ACIN1: variants seen among roughly 807,000 people sequenced by gnomAD.
ACIN1 encodes apoptotic chromatin condensation inducer in the nucleus.
ACIN1 carries 16 observed loss-of-function variants against 146.6 expected under a neutral mutation model. That is an observed-to-expected ratio of 0.11 (90% CI 0.07 to 0.17). The LOEUF is 0.17. Ranked by LOEUF, ACIN1 falls within the 10% of genes least tolerant of loss-of-function variation. ACIN1 has a pLI of 1.00. For missense variants in ACIN1, 1,357 were observed against 1,609.3 expected (o/e 0.84, Z 2.68); for synonymous variants, 569 against 582.7 (o/e 0.98, Z 0.34).
chr14:23,095,530 A>G (rs993612868), upstream of ACIN1: 11 of 517,110 alleles, frequency 2.1e-5, no homozygotes, highest in Non-Finnish European at 3.7e-5. Context: ...GGCCCAGCTT[A>G]GGGTTTTCAG....
chr14:23,062,703 CGTT>C (rs1338430375), intron 14 of ACIN1, 180 bp from the exon 15 acceptor site: 1 of 743,800 alleles, frequency 1.3e-6, no homozygotes, highest in Admixed American at 2.8e-5. Context: ...CTAATTGAGA[CGTT>C]GTATGTGAGG....
intron 10 of ACIN1, 32 bp downstream of exon 10, chr14:23,065,934 G>A (rs774165340): frequency 1.2e-6 from 2 of 1,604,016 alleles, no homozygotes; most frequent in East Asian, 2.2e-5. Context: ...TGGTATTCCT[G>A]ACTTTTATCA....
At chr14:23,086,116 A>G (rs1032514706) in intron 4 of ACIN1, among the ~76,000 whole-genome samples, 2 of 152,218 alleles carry the variant, frequency 1.3e-5, no homozygotes, top group Non-Finnish European at 2.9e-5. Context: ...GGTGTGAATA[A>G]GAAGCAGGAA....
Position 23,059,228 on chromosome 14 carries a change from T to C in ACIN1, c.3772A>G (p.Arg1258Gly). The C allele has an allele frequency of 6.2e-7, 1 of 1,613,848 alleles. No individual in the cohort carries two copies. The highest frequency in any genetic ancestry group is 8.5e-7 in the Non-Finnish European group (1 of 1,179,922). ...TGGCGCTTGGTGTCCCTGCGATCCC[T>C]TTCCCTGCCTCGTTCTCGGTCCCTT... ...RERDRERGRE[R>G]DRRDTKRHSR... is the part of the protein sequence containing the mutation. Residue 1258 changes from arginine (R) to glycine (G), a missense_variant, in exon 19 of 19, where the codon AGG (arginine) becomes GGG (glycine). Coordinates refer to ENST00000605057, the MANE Select transcript of ACIN1 (RefSeq NM_001386863.1).
chr14:23,073,839 CTTTTT>C (rs530712203), intron 8 of ACIN1, among the ~76,000 whole-genome samples: 2 of 135,836 alleles, frequency 1.5e-5, no homozygotes, highest in South Asian at 2.3e-4. Flanking sequence ...TTGAAAATTC[CTTTTT>C]TTTTTTTTTT....
intron 8 of ACIN1, 31 bp from the exon 9 acceptor site, chr14:23,069,648 G>GGGGGGGGGGGGCCC: frequency 1.7e-6 from 1 of 589,352 alleles, no homozygotes; most frequent in Non-Finnish European, 3.2e-6. Context: ...TGGTGGGGGG[G>GGGGGGGGGGGGCCC]CGGGCAGAAA....
Position 23,079,560 on chromosome 14 carries a change from C to T in ACIN1, c.1775G>A (p.Ser592Asn). 6.2e-7 allele frequency: 1 copy of T among 1,601,994 alleles called. No individual in the cohort carries two copies. The highest frequency in any genetic ancestry group is 1.1e-5 in the South Asian group (1 of 90,382). ...TCTCATACTCACTTTTCTGCTGTTG[C>T]TTGATGCTGAACGAGAACGTGAACG... ...RSRSRSRSAS[S>N]NSRKSLSPGV... The change falls in exon 6 of 19, where the codon AGC becomes AAC. Residue 592 changes from serine to asparagine, a missense_variant. Ser to Asn is a conservative substitution (Grantham distance 46). Around this residue, in one of 4 missense-constraint regions of ACIN1, gnomAD observed 771 missense variants for 746.6 expected, o/e 1.03. Coordinates refer to ENST00000605057, the MANE Select transcript of ACIN1 (RefSeq NM_001386863.1).
Position 23,067,873 on chromosome 14 carries a change from G to A in ACIN1, c.2265+1603C>T, listed in dbSNP as rs45608732. On this transcript the variant is annotated intron_variant, in intron 9 of 18. Transcript: ENST00000605057. This position sits in a 1 kb window ranked among gnomAD's most constrained non-coding sequence, Gnocchi z 4.6. ...CTCTGATGAAGGTAGCCTGGGGGTA[G>A]GTGAATACCCCAGGACCTGGCAGAC... 10,142 of 985,874 alleles carry A rather than the reference G, an allele frequency of 0.01. 65 individuals are homozygous for A. Among genetic ancestry groups the A allele is most frequent in the Non-Finnish European group, 0.012 (9,547 of 829,952 alleles). 61.1% of individuals were successfully genotyped at this position (985,874 alleles called of 1,614,324 possible).
At chr14:23,095,289 T>C, upstream of ACIN1, 3 of 1,592,814 alleles carry the variant, frequency 1.9e-6, no homozygotes, top group Non-Finnish European at 2.6e-6. Flanking sequence ...CTCCACATCG[T>C]TACCAATCAA....
rs766261167 is a variant in ACIN1, at chr14:23,064,190, G to A, written c.2510C>T (p.Ser837Phe). 1 of 1,614,160 alleles carries A rather than the reference G, an allele frequency of 6.2e-7. No homozygotes were observed. The highest frequency in any genetic ancestry group is 1.1e-5 in the South Asian group (1 of 91,086). ...CTCTGTCTCATCCTCAGAGATGCGA[G>A]AGTCATCAGCATGAAGATCCACAAC... ...EAVVDLHADDSRISEDETERN... is the reference protein window; with the variant it reads ...EAVVDLHADDFRISEDETERN... Residue 837 changes from serine to phenylalanine, a missense_variant, in exon 12 of 19, where the codon TCT becomes TTT. By Grantham distance (155) the Ser-to-Phe change is radical. Around this residue, in one of 4 missense-constraint regions of ACIN1, gnomAD observed 509 missense variants for 719.6 expected, o/e 0.71. Coordinates refer to ENST00000605057, the MANE Select transcript of ACIN1 (RefSeq NM_001386863.1).
intron 1 of ACIN1, 90 bp from the exon 2 acceptor site, chr14:23,093,634 AAT>A (rs2048286263): frequency 9.7e-7 from 1 of 1,035,660 alleles, no homozygotes; most frequent in South Asian, 1.3e-5. Context: ...AATTAAACGC[AAT>A]GACTTAAATA....
chr14:23,062,156 T>C lies in ACIN1; in HGVS notation c.3099+12A>G. On this transcript the variant is annotated intron_variant, in intron 16 of 18. Transcript: ENST00000605057. ...CTGCCCCTCCTCTCTTTCCTCTCCC[T>C]AGGTTTCTTACCTCATCTTGCTCGG... 6.2e-7 allele frequency: 1 copy of C among 1,610,898 alleles called. No individual in the cohort carries two copies. The highest frequency in any genetic ancestry group is 1.1e-5 in the South Asian group (1 of 90,992).
chr14:23,061,649 G>A (rs1207818898), intron 16 of ACIN1, 27 bp from the exon 17 acceptor site: 8 of 1,502,362 alleles, frequency 5.3e-6, no homozygotes, highest in African/African-American at 2.8e-5. Flanking sequence ...GACAAGGACA[G>A]TTAGGATAGA....
intron 4 of ACIN1, among the ~76,000 whole-genome samples, chr14:23,083,031 A>C (rs1204431774): frequency 2.7e-5 from 4 of 148,382 alleles, no homozygotes; most frequent in African/African-American, 1.0e-4. Context: ...GAGTCACCGC[A>C]CCCGGACTAG....
chr14:23,074,826 AG>A (rs1199621351), intron 8 of ACIN1, among the ~76,000 whole-genome samples: 2 of 152,246 alleles, frequency 1.3e-5, no homozygotes, highest in African/African-American at 4.8e-5. Context: ...TGAGATTCAG[AG>A]AAGCTAATGG....
intron 8 of ACIN1, among the ~76,000 whole-genome samples, chr14:23,077,121 A>G (rs1477276346): frequency 6.6e-6 from 1 of 152,232 alleles, no homozygotes; most frequent in African/African-American, 2.4e-5. Context: ...AGTAAGGTCT[A>G]TAAAACTATC....
upstream of ACIN1, chr14:23,095,256 C>T (rs748433579): frequency 6.2e-6 from 10 of 1,601,638 alleles, no homozygotes; most frequent in Non-Finnish European, 8.6e-6. Context: ...CGGGTTCCTC[C>T]GGATGTCCTC....
At chr14:23,071,029 A>T (rs901914228) in intron 8 of ACIN1, 1 of 1,402,210 alleles carries the variant, frequency 7.1e-7, no homozygotes, top group Non-Finnish European at 9.8e-7. Flanking sequence ...AACAAACCAA[A>T]ACGAAAGACG....
In ACIN1 at chr14:23,080,445, T is replaced by C. The variant is rs1387399703; in HGVS notation, c.890A>G (p.Gln297Arg). The C allele has an allele frequency of 1.2e-6, 2 of 1,614,210 alleles. No homozygotes were observed. The highest frequency in any genetic ancestry group is 1.7e-6 in the Non-Finnish European group (2 of 1,180,030). The change falls in exon 6 of 19, where the codon CAG becomes CGG. Residue 297 changes from glutamine to arginine, a missense_variant. Gln to Arg is a conservative substitution (Grantham distance 43). Transcript: ENST00000605057. ...TGTTTTCATTTCCTTCTCCTGCTGC[T>C]GTCTGGCCAGATGACTTTTTCTAGC... ...EEARKSHLAR[Q>R]QQEKEMKTTS...
Sources: gnomAD v4.1 joint callset for allele counts (sites outside exome capture counted in the v4.1 genomes callset) on GRCh38, gnomAD v4.1.1 for gene constraint, gnomAD v4.1.1 regional missense constraint, Gnocchi (gnomAD v3.1) non-coding constraint, MANE v1.5 for transcripts, NCBI Gene and HGNC (gene_info 2026-07-23, HGNC 2026-07-21) for gene names.